The following COBL variants were observed in gnomAD, a reference collection of about 807,000 sequenced individuals.
COBL encodes the protein protein cordon-bleu.
COBL carries 51 observed loss-of-function variants against 98.8 expected under a neutral mutation model. The ratio of observed to expected loss-of-function variants is 0.52; its 90% CI spans 0.41 to 0.65. The LOEUF (loss-of-function observed/expected upper bound fraction) is 0.65. Ranked by LOEUF, COBL falls within the 30% of genes least tolerant of loss-of-function variation. The pLI is 0.00. For missense variants in COBL, 1,617 were observed against 1,617.5 expected, an observed-to-expected ratio of 1.00 and a Z score of 0.01; for synonymous variants, 634 against 651.7, an observed-to-expected ratio of 0.97 and a Z score of 0.41.
intron 1 of COBL, among the ~76,000 whole-genome samples, chr7:51,222,050 G>A (rs890851433): frequency 2.6e-4 from 39 of 152,136 alleles, no homozygotes; most frequent in Admixed American, 2.2e-3. Context: ...TTAGCCAGGC[G>A]TGGTGGCAGA....
In COBL at chr7:51,060,218, A is replaced by T. The variant is rs200625004; in HGVS notation, c.1097-16526T>A. Among the ~76,000 whole-genome samples, 13 of 152,350 alleles carry T rather than the reference A, an allele frequency of 8.5e-5. No homozygotes were observed. The East Asian group carries it at 2.3e-3, about 27-fold the overall frequency. On this transcript the variant is annotated intron_variant, in intron 7 of 12. Coordinates refer to ENST00000265136, the MANE Select transcript of COBL (RefSeq NM_015198.5). ...GTTGCATTTTCTTCACAGTTATCAA[A>T]GCAATCTCTGCAGGAAACTACTTCT...
At chr7:51,225,211 A>G (rs909227545) in intron 1 of COBL, among the ~76,000 whole-genome samples, 4 of 152,106 alleles carry the variant, frequency 2.6e-5, no homozygotes, top group Non-Finnish European at 4.4e-5. Flanking sequence ...AATGGCTGCT[A>G]TTTACGTGGG....
chr7:51,180,354 C>A (rs13237700), intron 5 of COBL, among the ~76,000 whole-genome samples: 76,390 of 152,066 alleles, frequency 0.5, 20,541 homozygotes, highest in Non-Finnish European at 0.61. Flanking sequence ...GCCCAGTAAT[C>A]TCAAGATATT....
intron 5 of COBL, among the ~76,000 whole-genome samples, chr7:51,145,497 G>A (rs993775271): frequency 6.6e-6 from 1 of 151,324 alleles, no homozygotes; most frequent in Non-Finnish European, 1.5e-5. Context: ...TCCTGCCTCC[G>A]CTTCCTGAGT....
At chr7:51,093,590 T>C (rs1212896965) in intron 6 of COBL, among the ~76,000 whole-genome samples, 2 of 152,198 alleles carry the variant, frequency 1.3e-5, no homozygotes, top group East Asian at 3.8e-4. Flanking sequence ...AGCAGGGCTG[T>C]ATGAGCCAAC....
At chr7:51,178,798 G>A (rs370313731) in intron 5 of COBL, among the ~76,000 whole-genome samples, 36 of 152,056 alleles carry the variant, frequency 2.4e-4, no homozygotes, top group African/African-American at 8.0e-4. Flanking sequence ...TAGTAGAGAC[G>A]GGGTTTCTCC....
intron 2 of COBL, among the ~76,000 whole-genome samples, chr7:51,206,892 C>A (rs1264368989): frequency 6.6e-6 from 1 of 152,170 alleles, no homozygotes; most frequent in Non-Finnish European, 1.5e-5. Context: ...CAAAGACACA[C>A]AGTTTCTGTT....
At position 51,293,780 on chromosome 7, in the gene COBL, C is replaced by T. The variant is rs112595535; in HGVS notation, c.41+22813G>A. Among the ~76,000 whole-genome samples, 857 of 152,310 alleles carry T rather than the reference C, an allele frequency of 5.6e-3. 6 individuals are homozygous for T. Among genetic ancestry groups the T allele is most frequent in the African/African-American group, 0.019 (802 of 41,572 alleles). ...ATCCATAAGTGAGAACCAACAGACA[C>T]TGGCTACAAGGCAGGCTGTCCCATG... On this transcript the variant is annotated intron_variant, in intron 1 of 12. Transcript: ENST00000265136.
intron 6 of COBL, among the ~76,000 whole-genome samples, chr7:51,104,727 G>A (rs376607498): frequency 3.9e-5 from 6 of 152,130 alleles, no homozygotes; most frequent in African/African-American, 1.4e-4. Context: ...GAACTACCTA[G>A]ATCTTGGTCT....
intron 1 of COBL, among the ~76,000 whole-genome samples, chr7:51,286,295 G>A (rs1278906212): frequency 1.5e-5 from 2 of 131,868 alleles, no homozygotes; most frequent in African/African-American, 2.9e-5. Flanking sequence ...CTCTTCCAAA[G>A]ACACTGCTAA....
intron 5 of COBL, among the ~76,000 whole-genome samples, chr7:51,174,394 A>T (rs577265242): frequency 1.3e-5 from 2 of 152,362 alleles, no homozygotes; most frequent in Admixed American, 6.5e-5. Flanking sequence ...AACACAAAAC[A>T]ATAACAAATT....
rs73697831 is a variant in COBL, at chr7:51,210,497, G to A, written c.245+9244C>T. 7.1e-3 allele frequency among the ~76,000 whole-genome samples: 1,075 copies of A among 152,264 alleles called. 13 individuals carry two copies. Among genetic ancestry groups the A allele is most frequent in the African/African-American group, 0.025 (1,026 of 41,548 alleles). Reference sequence around the variant, plus strand: ...AAAGTGGGAGGTTTGGGGGCTGCCAGGAGCTCCAGCTTTGGCTCTTGCTTT... The same window carrying A: ...AAAGTGGGAGGTTTGGGGGCTGCCAAGAGCTCCAGCTTTGGCTCTTGCTTT... On this transcript the variant is annotated intron_variant, in intron 2 of 12. Coordinates refer to ENST00000265136, the MANE Select transcript of COBL (RefSeq NM_015198.5).
intron 8 of COBL, 81 bp from the exon 9 acceptor site, chr7:51,030,990 T>C (rs754821549): frequency 2.1e-6 from 2 of 965,880 alleles, no homozygotes; most frequent in East Asian, 2.4e-5. Context: ...TATCTGAGGA[T>C]AGAACAGCTC....
At chr7:51,125,680 C>T (rs935027437) in intron 6 of COBL, among the ~76,000 whole-genome samples, 2 of 152,158 alleles carry the variant, frequency 1.3e-5, no homozygotes, top group Non-Finnish European at 2.9e-5. Flanking sequence ...AAATAAGATA[C>T]TATAGGAAAA....
intron 1 of COBL, among the ~76,000 whole-genome samples, chr7:51,262,797 G>C (rs1584342582): frequency 6.6e-6 from 1 of 152,140 alleles, no homozygotes; most frequent in African/African-American, 2.4e-5. Flanking sequence ...GGATGAAGAG[G>C]GCAATAATGA....
intron 7 of COBL, among the ~76,000 whole-genome samples, chr7:51,077,995 A>G (rs1793252202): frequency 6.6e-6 from 1 of 152,112 alleles, no homozygotes; most frequent in Admixed American, 6.5e-5. Context: ...CCAGACTAAA[A>G]TCAAACTGAA....
intron 1 of COBL, among the ~76,000 whole-genome samples, chr7:51,253,349 C>G (rs955640150): frequency 6.6e-6 from 1 of 152,164 alleles, no homozygotes; most frequent in Admixed American, 6.5e-5. Context: ...TACGATTACT[C>G]TTGCCAGCAG....
At chr7:51,045,224 T>C (rs755759966) in intron 7 of COBL, among the ~76,000 whole-genome samples, 7 of 152,218 alleles carry the variant, frequency 4.6e-5, no homozygotes, top group Non-Finnish European at 7.3e-5. Context: ...ATAAAAAGTA[T>C]GACAAGAGTA....
intron 1 of COBL, among the ~76,000 whole-genome samples, chr7:51,253,852 T>C (rs1270743924): frequency 6.6e-6 from 1 of 152,254 alleles, no homozygotes; most frequent in African/African-American, 2.4e-5. Context: ...TTCTGGGCAG[T>C]TGTGTTATCA....
Sources: gnomAD v4.1 joint callset for allele counts (sites outside exome capture counted in the v4.1 genomes callset) on GRCh38, gnomAD v4.1.1 for gene constraint, MANE v1.5 for transcripts, NCBI Gene and HGNC (gene_info 2026-07-23, HGNC 2026-07-21) for gene names.